DIP2B: variants seen among roughly 807,000 people sequenced by gnomAD.
DIP2B encodes DIP2 acetate--CoA ligase B (putative), also known as disco-interacting protein 2 homolog B.
In DIP2B, 76 loss-of-function variants were observed where a neutral mutation model predicts 198.0. The observed-to-expected ratio is 0.38, with a 90% CI of 0.32 to 0.46. The LOEUF (loss-of-function observed/expected upper bound fraction) is 0.46. Among genes scored for constraint, DIP2B ranks in the 20% least tolerant of loss-of-function variants. DIP2B has a pLI of 0.99. For missense variants in DIP2B, 1,559 were observed against 1,978.4 expected, an observed-to-expected ratio of 0.79 and a Z score of 4.02; for synonymous variants, 701 against 739.1, an observed-to-expected ratio of 0.95 and a Z score of 0.84.
chr12:50,634,393 A>ATACAAGTATTAAAGCTAG (rs1402984161), intron 2 of DIP2B, among the ~76,000 whole-genome samples: 2 of 152,232 alleles, frequency 1.3e-5, no homozygotes, highest in African/African-American at 4.8e-5. Flanking sequence ...GATACAAGTA[A>ATACAAGTATTAAAGCTAG]CTGATAATTC....
intron 3 of DIP2B, among the ~76,000 whole-genome samples, chr12:50,655,496 G>A (rs1249634047): frequency 6.6e-6 from 1 of 152,060 alleles, no homozygotes; most frequent in South Asian, 2.1e-4. Flanking sequence ...AAGACTTATA[G>A]AATATAAACA....
chr12:50,730,163 T>C (rs1223594312), intron 30 of DIP2B, among the ~76,000 whole-genome samples: 1 of 152,208 alleles, frequency 6.6e-6, no homozygotes, highest in African/African-American at 2.4e-5. Flanking sequence ...TATGTCCATA[T>C]TGTCAGTGTT....
intron 4 of DIP2B, among the ~76,000 whole-genome samples, chr12:50,666,176 G>T (rs1938749249): frequency 6.6e-6 from 1 of 152,210 alleles, no homozygotes; most frequent in South Asian, 2.1e-4. Context: ...ACTGTATCCG[G>T]TTGAATTTGT....
chr12:50,611,473 G>A (rs1301043262), intron 1 of DIP2B, among the ~76,000 whole-genome samples: 1 of 152,154 alleles, frequency 6.6e-6, no homozygotes, highest in East Asian at 1.9e-4. Flanking sequence ...ATTGAGGGGC[G>A]TGGGTTGTTT....
chr12:50,566,609 T>A (rs770410805), intron 1 of DIP2B, among the ~76,000 whole-genome samples: 3 of 152,268 alleles, frequency 2.0e-5, no homozygotes. Flanking sequence ...ATGTTAGGTC[T>A]TTTGATAGTG....
chr12:50,705,133 A>AT (rs1446824068), intron 20 of DIP2B, among the ~76,000 whole-genome samples: 5 of 152,104 alleles, frequency 3.3e-5, no homozygotes, highest in African/African-American at 4.8e-5. Flanking sequence ...GGGAAGTAGG[A>AT]TTTTATTTTG....
chr12:50,712,801 C>T (rs186015961), intron 22 of DIP2B, among the ~76,000 whole-genome samples: 226 of 150,920 alleles, frequency 1.5e-3, no homozygotes, highest in East Asian at 4.5e-3. Flanking sequence ...TCAGCTACTC[C>T]GGAGACTGAG....
At chr12:50,706,387 G>C in intron 20 of DIP2B, 151 bp from the exon 21 acceptor site, 1 of 876,768 alleles carries the variant, frequency 1.1e-6, no homozygotes. Context: ...GAGATGTCAA[G>C]ATGTGAAATG....
At chr12:50,604,238 A>G (rs1958963172) in intron 1 of DIP2B, among the ~76,000 whole-genome samples, 1 of 148,942 alleles carries the variant, frequency 6.7e-6, no homozygotes, top group South Asian at 2.2e-4. Context: ...GATTATATAC[A>G]GTTTTTGAGA....
intron 1 of DIP2B, among the ~76,000 whole-genome samples, chr12:50,573,103 A>G (rs1269676238): frequency 6.6e-6 from 1 of 152,234 alleles, no homozygotes; most frequent in Non-Finnish European, 1.5e-5. Context: ...TAAATGGTTA[A>G]GTATCCTTTT....
At chr12:50,693,651 T>C (rs1334817404) in intron 14 of DIP2B, among the ~76,000 whole-genome samples, 1 of 152,202 alleles carries the variant, frequency 6.6e-6, no homozygotes, top group Non-Finnish European at 1.5e-5. Flanking sequence ...TCTAGCTCTT[T>C]TCTGAAACCT....
At chr12:50,559,842 T>C (rs1958503465) in intron 1 of DIP2B, among the ~76,000 whole-genome samples, 1 of 152,130 alleles carries the variant, frequency 6.6e-6, no homozygotes, top group African/African-American at 2.4e-5. Flanking sequence ...AAATTAGTCT[T>C]TGCCCTTGTA....
intron 3 of DIP2B, among the ~76,000 whole-genome samples, chr12:50,648,093 G>A (rs1034000972): frequency 1.3e-5 from 2 of 151,890 alleles, no homozygotes; most frequent in East Asian, 1.9e-4. Flanking sequence ...GCGACAGATC[G>A]ATGCTCCAAC....
intron 1 of DIP2B, among the ~76,000 whole-genome samples, chr12:50,545,674 CTTT>C (rs71441371): frequency 7.2e-6 from 1 of 139,624 alleles, no homozygotes; most frequent in Admixed American, 7.2e-5. Flanking sequence ...TGGAGGCAGA[CTTT>C]TTTTTTTTTT....
At chr12:50,637,351 AACACTC>A (rs1188244695) in intron 2 of DIP2B, among the ~76,000 whole-genome samples, 2 of 152,182 alleles carry the variant, frequency 1.3e-5, no homozygotes, top group Admixed American at 6.5e-5. Flanking sequence ...CTCATTTTGT[AACACTC>A]TACCCTTTTG....
chr12:50,742,973 T>C (rs1940280253), intron 37 of DIP2B, among the ~76,000 whole-genome samples: 1 of 152,050 alleles, frequency 6.6e-6, no homozygotes, highest in Non-Finnish European at 1.5e-5. Context: ...GACAAGAACA[T>C]CTTTAGACAT....
At chr12:50,671,520 A>C (rs1938854439) in intron 5 of DIP2B, 122 bp downstream of exon 5, 1 of 936,462 alleles carries the variant, frequency 1.1e-6, no homozygotes, top group South Asian at 1.7e-5. Flanking sequence ...ATTAGAGAAA[A>C]CATGACAGTT....
At chr12:50,719,882 A>T (rs1939802735) in intron 25 of DIP2B, among the ~76,000 whole-genome samples, 1 of 147,578 alleles carries the variant, frequency 6.8e-6, no homozygotes, top group Non-Finnish European at 1.5e-5. Context: ...TATTAAATAT[A>T]ATAATATATA....
intron 1 of DIP2B, among the ~76,000 whole-genome samples, chr12:50,604,503 C>G (rs1335763612): frequency 6.6e-6 from 1 of 152,034 alleles, no homozygotes; most frequent in Admixed American, 6.6e-5. Context: ...ATCCAGGCTT[C>G]AGTACAGTGG....
Sources: gnomAD v4.1 joint callset for allele counts (sites outside exome capture counted in the v4.1 genomes callset) on GRCh38, gnomAD v4.1.1 for gene constraint, MANE v1.5 for transcripts, NCBI Gene and HGNC (gene_info 2026-07-23, HGNC 2026-07-21) for gene names.